The following SNTG1 variants were observed in gnomAD, a reference collection of about 807,000 sequenced individuals.
The protein encoded by SNTG1 is syntrophin gamma 1, also known as gamma-1-syntrophin.
SNTG1 carries 39 observed loss-of-function variants against 74.7 expected under a neutral mutation model. The observed-to-expected ratio is 0.52, with a 90% confidence interval of 0.40 to 0.68. The LOEUF (loss-of-function observed/expected upper bound fraction) is 0.68, where lower values mean the gene tolerates loss of function less well. Among genes scored for constraint, SNTG1 ranks in the 30% least tolerant of loss-of-function variants. The pLI, the probability that SNTG1 is intolerant of heterozygous loss-of-function variation, is 0.00. For synonymous variants in SNTG1, 254 were observed against 217.1 expected (o/e 1.17, Z -1.49); for missense variants, 685 against 609.5 (o/e 1.12, Z -1.30).
intron 8 of SNTG1, among the ~76,000 whole-genome samples, chr8:50,478,359 G>A (rs1444225803): frequency 6.6e-6 from 1 of 152,004 alleles, no homozygotes; most frequent in African/African-American, 2.4e-5. Flanking sequence ...TTAATGACAG[G>A]TTTTTGGATT....
At chr8:50,327,582 T>C (rs1306408325) in intron 2 of SNTG1, among the ~76,000 whole-genome samples, 4 of 152,136 alleles carry the variant, frequency 2.6e-5, no homozygotes, top group Non-Finnish European at 2.9e-5. Flanking sequence ...AAAAAACATA[T>C]AGTTGATTTT....
At chr8:50,722,834 A>G (rs2095491077) in intron 17 of SNTG1, among the ~76,000 whole-genome samples, 1 of 152,204 alleles carries the variant, frequency 6.6e-6, no homozygotes. Flanking sequence ...GAAAAATTAT[A>G]TGCTTATCAT....
intron 11 of SNTG1, among the ~76,000 whole-genome samples, chr8:50,551,215 T>C (rs1397303305): frequency 6.6e-6 from 1 of 152,128 alleles, no homozygotes; most frequent in Non-Finnish European, 1.5e-5. Flanking sequence ...AGGTCATATG[T>C]AATAAAAAAA....
At chr8:50,775,579 G>T (rs1368692903) in intron 18 of SNTG1, among the ~76,000 whole-genome samples, 1 of 151,564 alleles carries the variant, frequency 6.6e-6, no homozygotes, top group African/African-American at 2.4e-5. Context: ...TGCAAATAAT[G>T]TATATTCTAT....
At chr8:49,980,908 ATCTTT>A (rs1229371782) in intron 1 of SNTG1, among the ~76,000 whole-genome samples, 3 of 152,176 alleles carry the variant, frequency 2.0e-5, no homozygotes, top group African/African-American at 7.2e-5. Flanking sequence ...GCTTAAAAAA[ATCTTT>A]TCTTAGAGAA....
chr8:50,423,992 T>C (rs1168644246), intron 4 of SNTG1, among the ~76,000 whole-genome samples: 1 of 152,176 alleles, frequency 6.6e-6, no homozygotes, highest in Non-Finnish European at 1.5e-5. Context: ...ATGGAGAGAC[T>C]GATGGAACCT....
At chr8:50,010,511 G>A (rs1043788613) in intron 1 of SNTG1, among the ~76,000 whole-genome samples, 1 of 152,006 alleles carries the variant, frequency 6.6e-6, no homozygotes, top group African/African-American at 2.4e-5. Context: ...CTGAATGTAT[G>A]ATAGGATTAC....
chr8:50,596,507 G>A (rs1250107766), intron 13 of SNTG1, among the ~76,000 whole-genome samples: 1 of 151,818 alleles, frequency 6.6e-6, no homozygotes, highest in Non-Finnish European at 1.5e-5. Context: ...TTTAAGGGGA[G>A]GTACAATAGT....
chr8:50,791,991 C>G (rs1470227203), intron 18 of SNTG1, among the ~76,000 whole-genome samples: 1 of 151,420 alleles, frequency 6.6e-6, no homozygotes, highest in Non-Finnish European at 1.5e-5. Context: ...TTGGTTGCCA[C>G]TGGTAATAAA....
At chr8:50,288,382 T>C (rs1245610271) in intron 2 of SNTG1, among the ~76,000 whole-genome samples, 1 of 152,208 alleles carries the variant, frequency 6.6e-6, no homozygotes, top group Non-Finnish European at 1.5e-5. Context: ...TTTACTGGTC[T>C]AATTGGTTTA....
At chr8:50,475,078 G>C (rs2093685595) in intron 8 of SNTG1, among the ~76,000 whole-genome samples, 1 of 125,730 alleles carries the variant, frequency 8.0e-6, no homozygotes, top group Non-Finnish European at 1.7e-5. Flanking sequence ...GGACTGTTGT[G>C]GGGTGGGGGG....
chr8:50,369,272 T>A (rs951266027), intron 2 of SNTG1, among the ~76,000 whole-genome samples: 1 of 152,164 alleles, frequency 6.6e-6, no homozygotes, highest in African/African-American at 2.4e-5. Context: ...AAGAATAGCA[T>A]CTTCATTTCA....
At chr8:50,579,714 C>T (rs1473375939) in intron 12 of SNTG1, among the ~76,000 whole-genome samples, 1 of 152,212 alleles carries the variant, frequency 6.6e-6, no homozygotes, top group Non-Finnish European at 1.5e-5. Context: ...AAGTCCCAAG[C>T]TTTGGCAGCT....
intron 16 of SNTG1, among the ~76,000 whole-genome samples, chr8:50,705,802 G>A (rs917236093): frequency 6.6e-6 from 1 of 152,140 alleles, no homozygotes; most frequent in Non-Finnish European, 1.5e-5. Context: ...GTCTTCACAA[G>A]ACCATTGAAC....
intron 1 of SNTG1, among the ~76,000 whole-genome samples, chr8:50,021,398 C>T (rs1165985934): frequency 6.6e-6 from 1 of 152,154 alleles, no homozygotes; most frequent in African/African-American, 2.4e-5. Flanking sequence ...CTCTTACTTT[C>T]TCCCACTAAT....
At chr8:50,529,261 G>T (rs1275109352) in intron 9 of SNTG1, among the ~76,000 whole-genome samples, 1 of 151,866 alleles carries the variant, frequency 6.6e-6, no homozygotes, top group Non-Finnish European at 1.5e-5. Flanking sequence ...TTAAAGATTA[G>T]AAAAATTATA....
In SNTG1 at chr8:50,461,098, G is replaced by A. The variant is rs1212991010; in HGVS notation, c.363+10369G>A. Among the ~76,000 whole-genome samples, 4 of 150,652 alleles carry A rather than the reference G, an allele frequency of 2.7e-5. 1 individual carries two copies. Among genetic ancestry groups the A allele is most frequent in the Admixed American group, 1.3e-4 (2 of 15,060 alleles). ...TTTTAATTTTTTGATGACTTTGAAAGTTTTAAGTAGTACTGGCCAGGTTGT... is the reference window on the plus strand; with the variant it reads ...TTTTAATTTTTTGATGACTTTGAAAATTTTAAGTAGTACTGGCCAGGTTGT... On this transcript the variant is annotated intron_variant, in intron 8 of 18. Transcript: ENST00000642720.
intron 1 of SNTG1, among the ~76,000 whole-genome samples, chr8:50,061,768 G>A (rs1238952142): frequency 1.3e-5 from 2 of 151,824 alleles, no homozygotes; most frequent in Non-Finnish European, 2.9e-5. Flanking sequence ...TAATTTTTAA[G>A]GTTTCAGTTA....
chr8:50,282,943 C>T lies in SNTG1; in HGVS notation c.-28+110308C>T, dbSNP rs962282620. On this transcript the variant is annotated intron_variant, in intron 2 of 18. Transcript: ENST00000642720. ...GAACTCATGCAAATAACCATATTGCCATGAAAATAAAAGTATTCACTAAGA... is the reference window on the plus strand; with the variant it reads ...GAACTCATGCAAATAACCATATTGCTATGAAAATAAAAGTATTCACTAAGA... Among the ~76,000 whole-genome samples the T allele has an allele frequency of 5.3e-5, 8 of 152,098 alleles. No homozygotes were observed. The South Asian group carries it at 8.3e-4, about 16-fold the overall frequency.
Sources: allele counts gnomAD v4.1 joint callset (sites outside exome capture counted in the v4.1 genomes callset), GRCh38; gene constraint gnomAD v4.1.1; transcripts MANE v1.5; gene names NCBI Gene and HGNC (gene_info 2026-07-23, HGNC 2026-07-21).